SH3D19: variants seen among roughly 807,000 people sequenced by gnomAD.
SH3D19 encodes the protein SH3 domain-containing protein 19.
A neutral mutation model predicts 112.1 loss-of-function variants in SH3D19; 58 were observed. The observed-to-expected ratio is 0.52, with a 90% confidence interval of 0.42 to 0.64. SH3D19 has a LOEUF of 0.64. Ranked by LOEUF, SH3D19 falls within the 30% of genes least tolerant of loss-of-function variation. SH3D19 has a pLI of 0.00. For missense variants in SH3D19, 1,090 were observed against 1,263.4 expected, an observed-to-expected ratio of 0.86 and a Z score of 2.08; for synonymous variants, 391 against 448.5, an observed-to-expected ratio of 0.87 and a Z score of 1.62.
intron 1 of SH3D19, among the ~76,000 whole-genome samples, chr4:151,263,695 G>A (rs1772550252): frequency 6.6e-6 from 1 of 151,934 alleles, no homozygotes; most frequent in Admixed American, 6.6e-5. Context: ...ATTCATGTGG[G>A]CCTCGCTGAA....
intron 2 of SH3D19, among the ~76,000 whole-genome samples, chr4:151,210,866 TTTAA>T (rs1400276224): frequency 6.6e-6 from 1 of 152,152 alleles, no homozygotes; most frequent in African/African-American, 2.4e-5. Context: ...AGTAACAAAA[TTTAA>T]TTGTTTGTTG....
intron 1 of SH3D19, among the ~76,000 whole-genome samples, chr4:151,254,056 G>A (rs1051780872): frequency 2.0e-5 from 3 of 152,156 alleles, no homozygotes; most frequent in Non-Finnish European, 2.9e-5. Flanking sequence ...AGTATAATTA[G>A]TTAAGCCATT....
intron 1 of SH3D19, among the ~76,000 whole-genome samples, chr4:151,286,962 A>T (rs1052345694): frequency 1.2e-4 from 17 of 147,774 alleles, no homozygotes; most frequent in African/African-American, 4.3e-4. Flanking sequence ...CCTGGGTGAC[A>T]GAGTGAGATT....
At chr4:151,122,868 T>C (rs75792127) in intron 19 of SH3D19, among the ~76,000 whole-genome samples, 1 of 144,864 alleles carries the variant, frequency 6.9e-6, no homozygotes, top group Non-Finnish European at 1.5e-5. Context: ...TTTTTTTTTT[T>C]TGAGACGGAG....
At chr4:151,150,944 G>A (rs949086607) in intron 9 of SH3D19, among the ~76,000 whole-genome samples, 1 of 147,956 alleles carries the variant, frequency 6.8e-6, no homozygotes, top group Non-Finnish European at 1.5e-5. Flanking sequence ...GGGGGAAAAA[G>A]CCCTCACAAA....
chr4:151,124,604 G>T (rs1299365036), intron 19 of SH3D19, among the ~76,000 whole-genome samples: 1 of 152,026 alleles, frequency 6.6e-6, no homozygotes, highest in Non-Finnish European at 1.5e-5. Context: ...TGTAGTCCCA[G>T]CTACTCAGGA....
At chr4:151,211,665 C>T (rs566917255) in intron 2 of SH3D19, among the ~76,000 whole-genome samples, 47 of 152,000 alleles carry the variant, frequency 3.1e-4, no homozygotes, top group Non-Finnish European at 6.5e-4. Context: ...AGCCTTGTTG[C>T]TGATATGAAG....
chr4:151,317,048 T>C (rs1730057293), intron 1 of SH3D19, among the ~76,000 whole-genome samples: 1 of 152,234 alleles, frequency 6.6e-6, no homozygotes, highest in Non-Finnish European at 1.5e-5. Context: ...ACATTATCAG[T>C]GAATGAAGCT....
intron 10 of SH3D19, 77 bp downstream of exon 10, chr4:151,149,423 C>T (rs886496483): frequency 1.5e-5 from 18 of 1,184,678 alleles, no homozygotes; most frequent in Non-Finnish European, 1.9e-5. Context: ...AGGCCAACAA[C>T]ACTCAATCTT....
chr4:151,303,812 G>C (rs568117672), intron 1 of SH3D19, among the ~76,000 whole-genome samples: 65 of 152,166 alleles, frequency 4.3e-4, no homozygotes, highest in Non-Finnish European at 8.1e-4. Context: ...GTCTGAATGA[G>C]GGGTTTGAGC....
intron 1 of SH3D19, among the ~76,000 whole-genome samples, chr4:151,250,677 G>C (rs981236557): frequency 2.0e-5 from 3 of 152,128 alleles, no homozygotes; most frequent in African/African-American, 7.2e-5. Flanking sequence ...ATTATGCCCA[G>C]CAGGCACCAG....
chr4:151,267,192 T>C (rs1206837083), intron 1 of SH3D19, among the ~76,000 whole-genome samples: 1 of 149,680 alleles, frequency 6.7e-6, no homozygotes, highest in Non-Finnish European at 1.5e-5. Context: ...TAAATTAGTC[T>C]AGCATAGTGG....
At position 151,155,651 on chromosome 4, in the gene SH3D19, C is replaced by T. The variant is rs886303625; in HGVS notation, c.1755+3589G>A. 5.9e-5 allele frequency among the ~76,000 whole-genome samples: 9 copies of T among 152,062 alleles called. No homozygotes were observed. The East Asian group carries it at 1.5e-3, about 26-fold the overall frequency. ...CTGTAATCCTGGCACTCTGAGAGGC[C>T]GAGGCGGATGGACCATTTGAGGTCA... On this transcript the variant is annotated intron_variant, in intron 9 of 19. Coordinates refer to ENST00000604030, the MANE Select transcript of SH3D19 (RefSeq NM_001378122.1).
At chr4:151,294,431 C>CA (rs1281723662) in intron 1 of SH3D19, among the ~76,000 whole-genome samples, 1 of 152,104 alleles carries the variant, frequency 6.6e-6, no homozygotes, top group Non-Finnish European at 1.5e-5. Flanking sequence ...CATGCAACTG[C>CA]AAAAAAAGGA....
intron 1 of SH3D19, among the ~76,000 whole-genome samples, chr4:151,253,785 A>C (rs538881837): frequency 2.6e-5 from 4 of 151,658 alleles, no homozygotes; most frequent in Admixed American, 6.6e-5. Flanking sequence ...ACAACAACAA[A>C]AAAGCACTTG....
At chr4:151,143,348 T>C (rs1042321513) in intron 12 of SH3D19, among the ~76,000 whole-genome samples, 5 of 152,142 alleles carry the variant, frequency 3.3e-5, no homozygotes, top group Admixed American at 2.6e-4. Flanking sequence ...AGGACAGCTA[T>C]GACAGATGGA....
chr4:151,307,233 G>T (rs1032521903), intron 1 of SH3D19, among the ~76,000 whole-genome samples: 1 of 151,506 alleles, frequency 6.6e-6, no homozygotes, highest in African/African-American at 2.4e-5. Flanking sequence ...CGTTTTAGCC[G>T]GGATGGTCTC....
chr4:151,212,989 A>G lies in SH3D19; in HGVS notation c.152+13058T>C, dbSNP rs79092806. ...TTTGAGGGGTTCAAGACTCCCGTGG[A>G]GGAAGTAACTGCAGATATAGTGGAA... is the stretch of plus-strand genomic sequence containing the variant. On this transcript the variant is annotated intron_variant, in intron 2 of 19. Coordinates refer to ENST00000604030, the MANE Select transcript of SH3D19 (RefSeq NM_001378122.1). 2.6e-4 allele frequency among the ~76,000 whole-genome samples: 39 copies of G among 152,324 alleles called. No individual in the cohort carries two copies. The East Asian group carries it at 7.5e-3, about 29-fold the overall frequency.
intron 9 of SH3D19, among the ~76,000 whole-genome samples, chr4:151,155,934 CA>C (rs556303485): frequency 3.4e-4 from 51 of 151,836 alleles, no homozygotes; most frequent in African/African-American, 1.1e-3. Context: ...AAGACTCTAC[CA>C]AAAAAACCCT....
Sources: gnomAD v4.1 joint callset for allele counts (sites outside exome capture counted in the v4.1 genomes callset) on GRCh38, gnomAD v4.1.1 for gene constraint, MANE v1.5 for transcripts, NCBI Gene and HGNC (gene_info 2026-07-23, HGNC 2026-07-21) for gene names.